ASIC2: variants seen among roughly 807,000 people sequenced by gnomAD.
ASIC2 encodes the protein acid sensing ion channel subunit 2, also known as acid-sensing ion channel 2.
In ASIC2, 25 loss-of-function variants were observed where a neutral mutation model predicts 57.3. The ratio of observed to expected loss-of-function variants is 0.44; its 90% CI spans 0.32 to 0.61. The LOEUF (loss-of-function observed/expected upper bound fraction) is 0.61. ASIC2 is among the 20% of genes least tolerant of loss of function. The pLI, the probability that ASIC2 is intolerant of heterozygous loss-of-function variation, is 0.06. For synonymous variants in ASIC2, 319 were observed against 307.5 expected, an observed-to-expected ratio of 1.04 and a Z score of -0.39; for missense variants, 641 against 738.1, an observed-to-expected ratio of 0.87 and a Z score of 1.52.
chr17:33,076,496 C>T (rs1598264761), intron 3 of ASIC2, among the ~76,000 whole-genome samples: 1 of 152,190 alleles, frequency 6.6e-6, no homozygotes, highest in East Asian at 1.9e-4. Context: ...ATAAATATGC[C>T]AGGGATCCAG....
chr17:33,264,389 G>A (rs752169598), intron 1 of ASIC2, among the ~76,000 whole-genome samples: 11 of 152,354 alleles, frequency 7.2e-5, no homozygotes, highest in Middle Eastern at 6.8e-3. Flanking sequence ...TAATCTTGTG[G>A]AGCAAGTATG....
intron 1 of ASIC2, among the ~76,000 whole-genome samples, chr17:33,815,127 C>T (rs979463552): frequency 2.6e-5 from 4 of 152,018 alleles, no homozygotes; most frequent in Non-Finnish European, 5.9e-5. Flanking sequence ...ATATGTGTGC[C>T]CTTCCTGAGA....
intron 1 of ASIC2, among the ~76,000 whole-genome samples, chr17:34,064,527 G>A (rs1436598108): frequency 6.6e-6 from 1 of 152,056 alleles, no homozygotes; most frequent in Non-Finnish European, 1.5e-5. Context: ...AAATAGCTGG[G>A]ACCTAATCAA....
chr17:33,359,598 T>C (rs915552962), intron 1 of ASIC2, among the ~76,000 whole-genome samples: 3 of 152,172 alleles, frequency 2.0e-5, no homozygotes, highest in Non-Finnish European at 4.4e-5. Context: ...TTAATTATCA[T>C]CCATGCACCA....
At chr17:33,823,222 G>A (rs7210192) in intron 1 of ASIC2, among the ~76,000 whole-genome samples, 123,495 of 152,196 alleles carry the variant, frequency 0.81, 50,459 homozygotes, top group African/African-American at 0.85. Context: ...CTGGTAAATA[G>A]TGACAGGCAG....
intron 1 of ASIC2, among the ~76,000 whole-genome samples, chr17:33,329,383 A>G (rs1188499570): frequency 6.6e-6 from 1 of 152,138 alleles, no homozygotes; most frequent in Non-Finnish European, 1.5e-5. Flanking sequence ...CATGACCTAT[A>G]ATTCTGTTGG....
chr17:33,906,815 G>A lies in ASIC2; in HGVS notation c.555+249163C>T, dbSNP rs376610191. 2.8e-3 allele frequency among the ~76,000 whole-genome samples: 434 copies of A among 152,304 alleles called. 2 individuals carry two copies. The Middle Eastern group carries it at 0.031, about 11-fold the overall frequency. ...CAAGACCTACTGGGATCTTAACGAG[G>A]AGGCTGAGCTGTTGGCACTGAGCAA... On this transcript the variant is annotated intron_variant, in intron 1 of 9. Coordinates refer to the ASIC2 transcript ENST00000359872.
intron 1 of ASIC2, among the ~76,000 whole-genome samples, chr17:33,358,791 A>G (rs945239307): frequency 6.6e-6 from 1 of 152,232 alleles, no homozygotes; most frequent in Admixed American, 6.5e-5. Flanking sequence ...GGCTGAACTC[A>G]AAGCAATTGC....
chr17:33,735,944 A>G (rs1456363677), intron 1 of ASIC2, among the ~76,000 whole-genome samples: 1 of 152,118 alleles, frequency 6.6e-6, no homozygotes, highest in Non-Finnish European at 1.5e-5. Flanking sequence ...TGAATGAGTG[A>G]GTGAATAAAT....
At chr17:33,464,060 A>G (rs1396193637) in intron 1 of ASIC2, among the ~76,000 whole-genome samples, 3 of 152,202 alleles carry the variant, frequency 2.0e-5, no homozygotes, top group African/African-American at 4.8e-5. Flanking sequence ...TCCATTATTC[A>G]TCTTCACATA....
intron 1 of ASIC2, among the ~76,000 whole-genome samples, chr17:33,476,591 A>C (rs1036262350): frequency 3.4e-5 from 5 of 148,426 alleles, no homozygotes; most frequent in African/African-American, 1.2e-4. Flanking sequence ...TCTTGGACTG[A>C]GCACCAATGG....
intron 1 of ASIC2, among the ~76,000 whole-genome samples, chr17:33,901,047 C>G (rs1475264126): frequency 6.6e-6 from 1 of 152,182 alleles, no homozygotes; most frequent in South Asian, 2.1e-4. Flanking sequence ...AATCTAGCCA[C>G]GTGTAATATC....
intron 1 of ASIC2, among the ~76,000 whole-genome samples, chr17:33,199,769 C>T (rs757655719): frequency 2.6e-5 from 4 of 152,092 alleles, no homozygotes; most frequent in Admixed American, 6.5e-5. Context: ...GTACCTTGAT[C>T]GCCATTCCAA....
chr17:33,785,505 C>A (rs1239782984), intron 1 of ASIC2, among the ~76,000 whole-genome samples: 1 of 152,160 alleles, frequency 6.6e-6, no homozygotes, highest in Non-Finnish European at 1.5e-5. Flanking sequence ...GTGGCTGAAC[C>A]AGGATTCAAA....
intron 1 of ASIC2, among the ~76,000 whole-genome samples, chr17:33,573,758 G>GT (rs1916529037): frequency 6.6e-6 from 1 of 152,122 alleles, no homozygotes; most frequent in South Asian, 2.1e-4. Context: ...CAGAGACAGG[G>GT]TTTTGCCACG....
At chr17:33,720,671 A>G (rs1178573578) in intron 1 of ASIC2, among the ~76,000 whole-genome samples, 1 of 152,246 alleles carries the variant, frequency 6.6e-6, no homozygotes, top group South Asian at 2.1e-4. Context: ...TGAGGTAACT[A>G]GACTGGCCAG....
chr17:33,109,223 G>A (rs1447599126), intron 2 of ASIC2, among the ~76,000 whole-genome samples: 1 of 152,130 alleles, frequency 6.6e-6, no homozygotes, highest in Non-Finnish European at 1.5e-5. Context: ...AACACCACCT[G>A]TTCCCCCAAA....
chr17:33,612,050 G>C (rs147125676), intron 1 of ASIC2, among the ~76,000 whole-genome samples: 53 of 152,286 alleles, frequency 3.5e-4, no homozygotes, highest in African/African-American at 1.2e-3. Flanking sequence ...GAAGAAGACT[G>C]ATGTCCCAGC....
At chr17:34,018,601 G>T (rs1432244964) in intron 1 of ASIC2, among the ~76,000 whole-genome samples, 2 of 152,202 alleles carry the variant, frequency 1.3e-5, no homozygotes, top group Non-Finnish European at 2.9e-5. Context: ...AAGAACATCT[G>T]TGATTCATAG....
Sources: gnomAD v4.1 joint callset for allele counts (sites outside exome capture counted in the v4.1 genomes callset) on GRCh38, gnomAD v4.1.1 for gene constraint, MANE v1.5 for transcripts, NCBI Gene and HGNC (gene_info 2026-07-23, HGNC 2026-07-21) for gene names.